The following POLR1D variants were observed in gnomAD, a reference collection of about 807,000 sequenced individuals.
The protein encoded by POLR1D is RNA polymerase I and III subunit D, also known as DNA-directed RNA polymerases I and III subunit RPAC2.
POLR1D carries 8 observed loss-of-function variants against 10.8 expected under a neutral mutation model. That is an observed-to-expected ratio of 0.74 (90% CI 0.43 to 1.33). The LOEUF is 1.33. POLR1D is among the 40% of genes most tolerant of loss of function. The pLI, the probability that POLR1D is intolerant of heterozygous loss-of-function variation, is 0.01. For synonymous variants in POLR1D, 54 were observed against 57.2 expected, an observed-to-expected ratio of 0.94 and a Z score of 0.25; for missense variants, 152 against 161.7, an observed-to-expected ratio of 0.94 and a Z score of 0.32.
At chr13:27,631,280 A>C (rs758763196) in intron 1 of POLR1D, among the ~76,000 whole-genome samples, 13 of 152,230 alleles carry the variant, frequency 8.5e-5, no homozygotes, top group Admixed American at 5.2e-4. Context: ...AAGCTCACTC[A>C]TATGGGGCTG....
At chr13:27,660,283 T>C (rs1421815234) in intron 2 of POLR1D, among the ~76,000 whole-genome samples, 3 of 152,164 alleles carry the variant, frequency 2.0e-5, no homozygotes, top group African/African-American at 4.8e-5. Flanking sequence ...AGGCCTCTGC[T>C]TCAGTCTTTC....
chr13:27,632,067 A>G (rs534540020), intron 1 of POLR1D, among the ~76,000 whole-genome samples: 2 of 152,238 alleles, frequency 1.3e-5, no homozygotes, highest in South Asian at 2.1e-4. Context: ...ATTCTGTTTC[A>G]TTTTTGTCTT....
chr13:27,654,033 A>T (rs983454442), intron 2 of POLR1D, among the ~76,000 whole-genome samples: 1 of 152,234 alleles, frequency 6.6e-6, no homozygotes. Context: ...GAAACAACCA[A>T]GCCCCTTGAA....
chr13:27,622,734 A>G, intron 1 of POLR1D, 141 bp from the exon 2 acceptor site: 1 of 634,970 alleles, frequency 1.6e-6, no homozygotes, highest in Non-Finnish European at 2.8e-6. Context: ...TTGTGGAGGC[A>G]GGAAAATGAG....
At chr13:27,639,827 A>G (rs1458785126) in intron 1 of POLR1D, among the ~76,000 whole-genome samples, 1 of 152,170 alleles carries the variant, frequency 6.6e-6, no homozygotes, top group Non-Finnish European at 1.5e-5. Context: ...TTGCCAGAGC[A>G]GTTCTTGTCA....
intron 2 of POLR1D, chr13:27,665,420 T>G: frequency 2.0e-6 from 1 of 490,982 alleles, no homozygotes; most frequent in Non-Finnish European, 3.7e-6. Context: ...TACCTGTACA[T>G]ATGAACTTCA....
intron 1 of POLR1D, among the ~76,000 whole-genome samples, chr13:27,644,521 T>TA (rs1956202448): frequency 6.6e-6 from 1 of 152,184 alleles, no homozygotes; most frequent in Admixed American, 6.5e-5. Context: ...CTGGAGATAA[T>TA]ACACACATGG....
At chr13:27,627,178 A>G (rs73432882), downstream of POLR1D, among the ~76,000 whole-genome samples, 3,437 of 152,216 alleles carry the variant, frequency 0.023, 150 homozygotes, top group African/African-American at 0.078. Context: ...TCAAGTACTT[A>G]TTAAGACCCC....
At chr13:27,655,194 T>G (rs1040732527) in intron 2 of POLR1D, among the ~76,000 whole-genome samples, 4 of 152,090 alleles carry the variant, frequency 2.6e-5, no homozygotes, top group African/African-American at 9.7e-5. Flanking sequence ...GAAAATATAA[T>G]GAGAAAAAAG....
chr13:27,623,355 AGAAAGGCGTG>A lies in POLR1D; in HGVS notation c.*106_*115del. 1.3e-6 allele frequency: 2 copies of A among 1,560,752 alleles called. No homozygotes were observed. Among genetic ancestry groups the A allele is most frequent in the Non-Finnish European group, 1.7e-6 (2 of 1,154,244 alleles). On this transcript the variant is annotated 3_prime_UTR_variant, in exon 2 of 2. Transcript: ENST00000302979. ...GTGGTTACAGCATACTCTGTCCTTCAGAAAGGCGTGATTCTAGCTGTTGACCCCTTGCAGC... is the reference window on the plus strand; with the variant it reads ...GTGGTTACAGCATACTCTGTCCTTCAATTCTAGCTGTTGACCCCTTGCAGC...
chr13:27,622,849 C>G (rs756538526), intron 1 of POLR1D, 26 bp from the exon 2 acceptor site: 4 of 1,500,538 alleles, frequency 2.7e-6, no homozygotes, highest in South Asian at 2.3e-5. Flanking sequence ...AGTATGATCT[C>G]ATTTTTATAA....
At chr13:27,657,409 C>G (rs1367390971) in intron 2 of POLR1D, among the ~76,000 whole-genome samples, 1 of 152,008 alleles carries the variant, frequency 6.6e-6, no homozygotes, top group Admixed American at 6.6e-5. Flanking sequence ...GCCTGTGTTC[C>G]CAGTTACTCA....
At chr13:27,650,119 C>A in intron 2 of POLR1D, 1 of 398,324 alleles carries the variant, frequency 2.5e-6, no homozygotes, top group South Asian at 1.3e-4. Context: ...ATCCTCTGCT[C>A]CGTGAAGAGG....
At chr13:27,623,494 G>A (rs976464886), downstream of POLR1D, 6 of 721,848 alleles carry the variant, frequency 8.3e-6, no homozygotes, top group Admixed American at 2.2e-4. Context: ...TGGTCCTTGA[G>A]GATGACTTTT....
At chr13:27,648,424 T>C in exon 2 of POLR1D, 1 of 1,611,014 alleles carries the variant, frequency 6.2e-7, no homozygotes, top group Non-Finnish European at 8.5e-7. Flanking sequence ...GTGGGAAAAC[T>C]AGAGCTGAAA....
chr13:27,636,125 G>A (rs143313174), intron 1 of POLR1D, among the ~76,000 whole-genome samples: 110 of 152,200 alleles, frequency 7.2e-4, no homozygotes, highest in African/African-American at 2.5e-3. Context: ...CATAGCATTG[G>A]GATAGTGTTA....
At chr13:27,635,719 TATATATAC>T (rs1440146355) in intron 1 of POLR1D, among the ~76,000 whole-genome samples, 3 of 131,044 alleles carry the variant, frequency 2.3e-5, no homozygotes, top group Non-Finnish European at 3.4e-5. Context: ...TATATATATA[TATATATAC>T]ATACACACAT....
chr13:27,645,264 T>C (rs1035439720), intron 1 of POLR1D, among the ~76,000 whole-genome samples: 4 of 152,152 alleles, frequency 2.6e-5, no homozygotes, highest in South Asian at 2.1e-4. Context: ...GCCTTTTTTT[T>C]CCCCATTTAG....
chr13:27,624,389 A>G, downstream of POLR1D, among the ~76,000 whole-genome samples: 1 of 152,196 alleles, frequency 6.6e-6, no homozygotes, highest in Middle Eastern at 3.2e-3. Context: ...AATTCATGTA[A>G]GTAGTTATGG....
Sources: allele counts gnomAD v4.1 joint callset (sites outside exome capture counted in the v4.1 genomes callset), GRCh38; gene constraint gnomAD v4.1.1; transcripts MANE v1.5; gene names NCBI Gene and HGNC (gene_info 2026-07-23, HGNC 2026-07-21).